Variants in FXR1 observed in about 807,000 individuals in gnomAD.
FXR1 encodes RNA-binding protein FXR1.
A neutral mutation model predicts 84.0 loss-of-function variants in FXR1; 15 were observed. The ratio of observed to expected loss-of-function variants is 0.18; its 90% CI spans 0.12 to 0.27. The LOEUF (loss-of-function observed/expected upper bound fraction) is 0.27. Among genes scored for constraint, FXR1 ranks in the 10% least tolerant of loss-of-function variants. The pLI is 1.00. For synonymous variants in FXR1, 245 were observed against 250.7 expected (o/e 0.98, Z 0.21); for missense variants, 480 against 774.4 (o/e 0.62, Z 4.51).
intron 8 of FXR1, among the ~76,000 whole-genome samples, chr3:180,952,441 C>T (rs932953653): frequency 5.3e-5 from 8 of 152,210 alleles, no homozygotes; most frequent in East Asian, 1.9e-4. Flanking sequence ...TCTGTAACCC[C>T]AGCAAGTTTG....
chr3:180,929,584 A>G (rs1191113734), intron 1 of FXR1, among the ~76,000 whole-genome samples: 4 of 152,152 alleles, frequency 2.6e-5, no homozygotes, highest in Admixed American at 6.5e-5. Context: ...GAAATCCCCA[A>G]AGATTGGATG....
chr3:180,967,934 T>G, intron 13 of FXR1, 117 bp from the exon 14 acceptor site: 1 of 670,860 alleles, frequency 1.5e-6, no homozygotes, highest in South Asian at 1.8e-5. Flanking sequence ...TGGATCTTTC[T>G]TTGAAGCAGC....
intron 10 of FXR1, among the ~76,000 whole-genome samples, chr3:180,959,692 T>A (rs1191700322): frequency 1.3e-5 from 2 of 151,452 alleles, no homozygotes; most frequent in Admixed American, 1.3e-4. Context: ...GCTTGTGAAC[T>A]CCTGAGGACA....
At position 180,979,584 on chromosome 3, in the gene FXR1, C is replaced by G. The variant is rs3026208; in HGVS notation, c.*3292C>G. 3 of 151,386 alleles carry G rather than the reference C, an allele frequency of 2.0e-5. No homozygotes were observed. Among genetic ancestry groups the G allele is most frequent in the Non-Finnish European group, 2.9e-5 (2 of 67,862 alleles). 9.4% of individuals were successfully genotyped at this position (151,386 alleles called of 1,614,324 possible). ...TTTTAATTTTAGTTCTTTATTAGAACGTGTACTTGAATGGACTGTAGTTGC... is the reference window on the plus strand; with the variant it reads ...TTTTAATTTTAGTTCTTTATTAGAAGGTGTACTTGAATGGACTGTAGTTGC... On this transcript the variant is annotated 3_prime_UTR_variant, in exon 17 of 17. Coordinates refer to ENST00000357559, the MANE Select transcript of FXR1 (RefSeq NM_005087.4).
rs1250682613 is a variant in FXR1, at chr3:180,982,416, A to C, written c.*6124A>C. On this transcript the variant is annotated 3_prime_UTR_variant, in exon 17 of 17. Transcript: ENST00000357559. ...CCTTCAATGAAACACGGATTCTTCT[A>C]CTTAAAAAAGGTAAGCCTGGAGAAA... The C allele has an allele frequency of 6.6e-6, 1 of 152,100 alleles. No homozygotes were observed. The highest frequency in any genetic ancestry group is 2.4e-5 in the African/African-American group (1 of 41,444). 9.4% of individuals were successfully genotyped at this position (152,100 alleles called of 1,614,324 possible). A position where few individuals can be genotyped will look rare whatever the true frequency, so the allele number is the denominator to read the frequency against.
chr3:180,923,849 C>T (rs1481181359), intron 1 of FXR1, among the ~76,000 whole-genome samples: 2 of 152,122 alleles, frequency 1.3e-5, no homozygotes, highest in Admixed American at 1.3e-4. Context: ...GCTCAGTCTC[C>T]TGAGTGGGTT....
intron 9 of FXR1, among the ~76,000 whole-genome samples, chr3:180,957,350 T>C (rs1711506845): frequency 6.6e-6 from 1 of 152,190 alleles, no homozygotes; most frequent in Non-Finnish European, 1.5e-5. Context: ...ATTCTAAAGT[T>C]ATCTTCAAGT....
At chr3:180,931,026 CAAAAA>C (rs57731098) in intron 1 of FXR1, among the ~76,000 whole-genome samples, 6 of 55,630 alleles carry the variant, frequency 1.1e-4, no homozygotes, top group African/African-American at 1.8e-4. Flanking sequence ...GAGACTGCCT[CAAAAA>C]AAAAAAAAAA....
rs774590868 is a variant in FXR1 at position 180,981,521 on chromosome 3, A to G, written c.*5229A>G. 8.6e-5 allele frequency: 13 copies of G among 152,046 alleles called. No homozygotes were observed. Among genetic ancestry groups the G allele is most frequent in the Non-Finnish European group, 1.8e-4 (12 of 67,954 alleles). The allele number at this position is 152,046 out of a possible 1,614,324, so 9.4% of individuals were successfully genotyped here. ...GTTTTTATACAGCACCTTAGGACTC[A>G]TTTCTAATGTCAACCCAGATGGCCA... On this transcript the variant is annotated 3_prime_UTR_variant, in exon 17 of 17. Transcript: ENST00000357559.
chr3:180,976,098 GA>G (rs1382557868), intron 16 of FXR1, 23 bp from the exon 17 acceptor site: 4 of 1,574,270 alleles, frequency 2.5e-6, no homozygotes, highest in Non-Finnish European at 1.7e-6. Context: ...TAAAGAAGTT[GA>G]AAAAGTTGTC....
In FXR1 at chr3:180,921,189, G is replaced by A. The variant is rs567454559; in HGVS notation, c.51+8453G>A. ...GTTCGAGACCAGCCCGGCCAACATGGTGAAACCATCTCCACTAAAAACACA... is the reference window on the plus strand; with the variant it reads ...GTTCGAGACCAGCCCGGCCAACATGATGAAACCATCTCCACTAAAAACACA... On this transcript the variant is annotated intron_variant, in intron 1 of 16. Transcript: ENST00000357559. Among the ~76,000 whole-genome samples the A allele has an allele frequency of 1.5e-3, 234 of 152,088 alleles. 1 individual carries two copies. The highest frequency in any genetic ancestry group is 5.5e-3 in the African/African-American group (228 of 41,506).
chr3:180,944,930 A>G (rs1435368991), intron 3 of FXR1, among the ~76,000 whole-genome samples: 3 of 152,236 alleles, frequency 2.0e-5, no homozygotes, highest in Non-Finnish European at 4.4e-5. Flanking sequence ...TGGCCTTATT[A>G]GACATTTTAG....
intron 13 of FXR1, among the ~76,000 whole-genome samples, chr3:180,966,475 T>C: frequency 6.6e-6 from 1 of 152,176 alleles, no homozygotes; most frequent in East Asian, 1.9e-4. Flanking sequence ...CTTGTTTGCA[T>C]TTTTCCTCAA....
At chr3:180,951,632 T>G (rs541044881) in intron 8 of FXR1, among the ~76,000 whole-genome samples, 164 bp downstream of exon 8, 1 of 152,406 alleles carries the variant, frequency 6.6e-6, no homozygotes, top group African/African-American at 2.4e-5. Context: ...TGAATTGAAG[T>G]TAACTTTGTA....
At chr3:180,929,051 A>T (rs550085921) in intron 1 of FXR1, among the ~76,000 whole-genome samples, 65 of 152,064 alleles carry the variant, frequency 4.3e-4, no homozygotes, top group African/African-American at 1.5e-3. Context: ...CCTCCCAAGT[A>T]GCTGGGATTA....
intron 1 of FXR1, among the ~76,000 whole-genome samples, chr3:180,920,121 C>T (rs538539694): frequency 1.2e-4 from 19 of 152,254 alleles, no homozygotes; most frequent in African/African-American, 2.4e-4. Context: ...GATGCGCTCC[C>T]GTGTTGAGAT....
At position 180,968,279 on chromosome 3, in the gene FXR1, C is replaced by T. The variant is rs771331511; in HGVS notation, c.1402+25C>T. On this transcript the variant is annotated intron_variant, in intron 14 of 16. Coordinates refer to ENST00000357559, the MANE Select transcript of FXR1 (RefSeq NM_005087.4). ...GGTAGTCTTTTCTATACTCTGTCAGCATCCATTATTTGTAAACAGTTTAAT... is the reference window on the plus strand; with the variant it reads ...GGTAGTCTTTTCTATACTCTGTCAGTATCCATTATTTGTAAACAGTTTAAT... 9.7e-6 allele frequency: 14 copies of T among 1,444,362 alleles called. 1 individual carries two copies. The South Asian group carries it at 1.5e-4, about 15-fold the overall frequency. The allele number at this position is 1,444,362 out of a possible 1,614,324, so 89.5% of individuals were successfully genotyped here.
At chr3:180,955,853 G>C (rs904619920) in intron 9 of FXR1, among the ~76,000 whole-genome samples, 23 of 152,190 alleles carry the variant, frequency 1.5e-4, no homozygotes, top group Admixed American at 1.4e-3. Context: ...TCACTGAAGT[G>C]AGTACCTGTT....
chr3:180,920,631 T>C (rs1718468404), intron 1 of FXR1, among the ~76,000 whole-genome samples: 1 of 151,858 alleles, frequency 6.6e-6, no homozygotes, highest in Admixed American at 6.6e-5. Flanking sequence ...TGTGCCTCAG[T>C]AATTATTGTA....
Sources: gnomAD v4.1 joint callset for allele counts (sites outside exome capture counted in the v4.1 genomes callset) on GRCh38, gnomAD v4.1.1 for gene constraint, MANE v1.5 for transcripts, NCBI Gene and HGNC (gene_info 2026-07-23, HGNC 2026-07-21) for gene names.